Variants in NOL12 observed in about 807,000 individuals in gnomAD.
NOL12 encodes the protein nucleolar protein 12.
Under a neutral mutation model 25.2 loss-of-function variants are expected in NOL12, and 21 were observed. That is an observed-to-expected ratio of 0.83 (90% CI 0.59 to 1.20). The LOEUF (loss-of-function observed/expected upper bound fraction) is 1.20, where lower values mean the gene tolerates loss of function less well. Ranked by LOEUF, NOL12 falls within the 50% of genes most tolerant of loss-of-function variation. NOL12 has a pLI of 0.00. For missense variants in NOL12, 286 were observed against 287.6 expected (o/e 0.99, Z 0.04); for synonymous variants, 133 against 113.8 (o/e 1.17, Z -1.08).
At chr22:37,690,870 G>A in intron 5 of NOL12, 76 bp downstream of exon 5, 1 of 1,123,508 alleles carries the variant, frequency 8.9e-7, no homozygotes, top group Non-Finnish European at 1.3e-6. Context: ...AGGGTGGTGT[G>A]GAGCAGGTGT....
chr22:37,686,916 C>T (rs975474121), intron 1 of NOL12: 5 of 985,468 alleles, frequency 5.1e-6, no homozygotes, highest in Non-Finnish European at 4.8e-6. Flanking sequence ...TGAGCCTCAG[C>T]GTCTGGCCAG....
chr22:37,688,741 G>A (rs1259126359), intron 3 of NOL12, 109 bp from the exon 4 acceptor site: 12 of 1,124,108 alleles, frequency 1.1e-5, no homozygotes, highest in East Asian at 2.4e-5. Context: ...TTGTGGATGC[G>A]CTCCACGTCC....
At position 37,690,595 on chromosome 22, in the gene NOL12, C is replaced by T. The variant is rs1330832688; in HGVS notation, c.382-102C>T. 11 of 748,918 alleles carry T rather than the reference C, an allele frequency of 1.5e-5. No homozygotes were observed. The Admixed American group carries it at 2.0e-4, about 13-fold the overall frequency. The allele number at this position is 748,918 out of a possible 1,614,324, so 46.4% of individuals were successfully genotyped here. On this transcript the variant is annotated intron_variant, in intron 4 of 5. Transcript: ENST00000359114. ...GTCCCAACCCAGGCCTGTGATGCAG[C>T]AGGGCGCGCCACCACTTGCCAGAGC...
chr22:37,686,894 A>G, intron 1 of NOL12: 1 of 985,440 alleles, frequency 1.0e-6, no homozygotes. Flanking sequence ...CCGTATCAGG[A>G]AGCAGAACCT....
intron 4 of NOL12, among the ~76,000 whole-genome samples, chr22:37,690,270 C>T (rs1387046418): frequency 6.6e-6 from 1 of 152,108 alleles, no homozygotes; most frequent in Non-Finnish European, 1.5e-5. Flanking sequence ...GCGCAGGTTG[C>T]AGTGAGCCAC....
chr22:37,686,437 G>A lies in NOL12; in HGVS notation c.45G>A (p.Arg15=). 1 of 1,605,766 alleles carries A rather than the reference G, an allele frequency of 6.2e-7. No individual in the cohort carries two copies. The highest frequency in any genetic ancestry group is 8.5e-7 in the Non-Finnish European group (1 of 1,176,876). ...AGAAGCGAGATGGTGACGACCGGCG[G>A]CCGAGGCTCGTTCTTAGCTTCGACG... The part of the protein sequence containing the change: ...KKKKRDGDDR[R]PRLVLSFDEE... The change falls in exon 1 of 6, where the codon CGG becomes CGA. Residue 15 remains arginine, a synonymous_variant. Transcript: ENST00000359114.
Position 37,693,090 on chromosome 22 carries a change from C to T in NOL12, c.*1754C>T, listed in dbSNP as rs1440503996. On this transcript the variant is annotated 3_prime_UTR_variant, in exon 6 of 6. Transcript: ENST00000359114. ...CCTATTATGGGCCCTCCAGGTGGCTCTGGTGCTCAGCCTGCTGTGAGCAGG... is the reference window on the plus strand; with the variant it reads ...CCTATTATGGGCCCTCCAGGTGGCTTTGGTGCTCAGCCTGCTGTGAGCAGG... The T allele has an allele frequency of 1.1e-5, 2 of 176,288 alleles. No homozygotes were observed. Among genetic ancestry groups the T allele is most frequent in the Non-Finnish European group, 2.4e-5 (2 of 84,172 alleles). The allele number at this position is 176,288 out of a possible 1,614,324, so 10.9% of individuals were successfully genotyped here. A position where few individuals can be genotyped will look rare whatever the true frequency, so the allele number is the denominator to read the frequency against.
At position 37,691,667 on chromosome 22, in the gene NOL12, C is replaced by CA. The variant is rs1320321726; in HGVS notation, c.*333dup. 1 of 241,406 alleles carries CA rather than the reference C, an allele frequency of 4.1e-6. No individual in the cohort carries two copies. The highest frequency in any genetic ancestry group is 7.9e-5 in the East Asian group (1 of 12,644). The allele number at this position is 241,406 out of a possible 1,614,324, so 15.0% of individuals were successfully genotyped here. A position where few individuals can be genotyped will look rare whatever the true frequency, so the allele number is the denominator to read the frequency against. ...ATTTGTTTGTCCTTGATACCACGCA[C>CA]AAGGGCAGGTTTTTGGGGTGGTGGA... On this transcript the variant is annotated 3_prime_UTR_variant, in exon 6 of 6. Transcript: ENST00000359114.
chr22:37,688,894 T>G lies in NOL12; in HGVS notation c.283T>G (p.Ser95Ala). ...LDRLVTAKTESVQYDHPNHTV... is the reference protein window; with the variant it reads ...LDRLVTAKTEAVQYDHPNHTV... ...CCGGTTGGTGACAGCAAAGACGGAG[T>G]CGGTGCAGTATGACCACCCCAACCA... Residue 95 changes from serine (S) to alanine (A), a missense_variant, in exon 4 of 6, where the codon TCG becomes GCG. Coordinates refer to ENST00000359114, the MANE Select transcript of NOL12 (RefSeq NM_024313.3). The G allele has an allele frequency of 6.2e-7, 1 of 1,613,098 alleles. No homozygotes were observed.
Position 37,688,356 on chromosome 22 carries a change from T to C in NOL12, c.234T>C (p.Ala78=), listed in dbSNP as rs376620406. 45 of 1,614,144 alleles carry C rather than the reference T, an allele frequency of 2.8e-5. 1 individual carries two copies. The African/African-American group carries it at 5.7e-4, about 21-fold the overall frequency. ...AGATGCTGGCAGAGAGAGAAGAGGC[T>C]CTGGGTAAGTGGCATGCTTGGCCTG... ...YLKMLAEREE[A]LEEADELDRL... The change falls in exon 3 of 6, where the codon GCT becomes GCC. Residue 78 remains alanine, a synonymous_variant. Coordinates refer to ENST00000359114, the MANE Select transcript of NOL12 (RefSeq NM_024313.3).
rs1922115982 is a variant in NOL12, at chr22:37,692,505, C to T, written c.*1169C>T. On this transcript the variant is annotated 3_prime_UTR_variant, in exon 6 of 6. Coordinates refer to ENST00000359114, the MANE Select transcript of NOL12 (RefSeq NM_024313.3). ...GGATGAGTTGATGGAAACCCTGTCC[C>T]TTCCTTGTCCCAGCTTGTCAGTCCT... 7 of 398,624 alleles carry T rather than the reference C, an allele frequency of 1.8e-5. No homozygotes were observed. Among genetic ancestry groups the T allele is most frequent in the Non-Finnish European group, 3.1e-5 (7 of 226,144 alleles). The allele number at this position is 398,624 out of a possible 1,614,324, so 24.7% of individuals were successfully genotyped here. A position where few individuals can be genotyped will look rare whatever the true frequency, so the allele number is the denominator to read the frequency against.
Position 37,690,765 on chromosome 22 carries a change from G to T in NOL12, c.450G>T (p.Arg150Ser), listed in dbSNP as rs370074441. Residue 150 changes from arginine (R) to serine (S), a missense_variant, in exon 5 of 6, where the codon AGG becomes AGT. By Grantham distance (110) the Arg-to-Ser change is moderately radical. Coordinates refer to ENST00000359114, the MANE Select transcript of NOL12 (RefSeq NM_024313.3). ...STEKPTKALP[R>S]KSRDPLLSQR... Reference sequence around the variant, plus strand: ...AGAAACCAACCAAAGCCTTGCCCAGGAAGTCCAGAGACCCCCTGCTCTCTC... The same window carrying T: ...AGAAACCAACCAAAGCCTTGCCCAGTAAGTCCAGAGACCCCCTGCTCTCTC... 1.5e-5 allele frequency: 24 copies of T among 1,613,742 alleles called. No individual in the cohort carries two copies. The highest frequency in any genetic ancestry group is 2.0e-5 in the Non-Finnish European group (24 of 1,179,842).
At chr22:37,690,576 A>T in intron 4 of NOL12, 121 bp from the exon 5 acceptor site, 5 of 678,554 alleles carry the variant, frequency 7.4e-6, no homozygotes, top group South Asian at 7.4e-5. Flanking sequence ...TCTAGTCCCA[A>T]CCCAGGCCTG....
rs566956182 is a variant in NOL12, at chr22:37,692,182, C to T, written c.*846C>T. 7 of 222,542 alleles carry T rather than the reference C, an allele frequency of 3.1e-5. No homozygotes were observed. The East Asian group carries it at 6.3e-4, about 20-fold the overall frequency. The allele number at this position is 222,542 out of a possible 1,614,324, so 13.8% of individuals were successfully genotyped here. Reference sequence around the variant, plus strand: ...GACCAGCCTGGCCAACATGGTGAAACCCTGTCTCTACTAAAAATGCAAAAA... The same window carrying T: ...GACCAGCCTGGCCAACATGGTGAAATCCTGTCTCTACTAAAAATGCAAAAA... On this transcript the variant is annotated 3_prime_UTR_variant, in exon 6 of 6. Coordinates refer to ENST00000359114, the MANE Select transcript of NOL12 (RefSeq NM_024313.3).
chr22:37,688,477 T>TG, intron 3 of NOL12, 117 bp downstream of exon 3: 1 of 1,082,718 alleles, frequency 9.2e-7, no homozygotes. Context: ...GGGGGTACCC[T>TG]GGGGCCAGGG....
intron 5 of NOL12, 43 bp downstream of exon 5, chr22:37,690,837 C>T: frequency 6.9e-7 from 1 of 1,447,146 alleles, no homozygotes; most frequent in Non-Finnish European, 9.7e-7. Context: ...CCCCTCCTGG[C>T]TGGCAGTAGT....
chr22:37,688,137 GT>G, intron 2 of NOL12, 122 bp downstream of exon 2: 1 of 1,074,178 alleles, frequency 9.3e-7, no homozygotes, highest in Non-Finnish European at 1.4e-6. Flanking sequence ...CTGGGGAATA[GT>G]TTATACAGGT....
At chr22:37,688,477 T>C in intron 3 of NOL12, 117 bp downstream of exon 3, 1 of 1,082,714 alleles carries the variant, frequency 9.2e-7, no homozygotes, top group Non-Finnish European at 1.4e-6. Flanking sequence ...GGGGGTACCC[T>C]GGGGCCAGGG....
At position 37,688,977 on chromosome 22, in the gene NOL12, G is replaced by C; in HGVS notation, c.366G>C (p.Gly122=). ...DLDLSGARLL[G]LTPPEGGAGD... Reference sequence around the variant, plus strand: ...ACCTCTCGGGGGCCCGGCTGCTCGGGCTGACCCCACCTGAGGTGGGTCCCA... The same window carrying C: ...ACCTCTCGGGGGCCCGGCTGCTCGGCCTGACCCCACCTGAGGTGGGTCCCA... Residue 122 remains glycine, a synonymous_variant, in exon 4 of 6, where the codon GGG becomes GGC. Transcript: ENST00000359114. 1 of 1,612,450 alleles carries C rather than the reference G, an allele frequency of 6.2e-7. No individual in the cohort carries two copies. The highest frequency in any genetic ancestry group is 8.5e-7 in the Non-Finnish European group (1 of 1,179,992).
Sources: allele counts gnomAD v4.1 joint callset (sites outside exome capture counted in the v4.1 genomes callset), GRCh38; gene constraint gnomAD v4.1.1; transcripts MANE v1.5; gene names NCBI Gene and HGNC (gene_info 2026-07-23, HGNC 2026-07-21).